Variants in RNF13 observed in about 807,000 individuals in gnomAD.
The protein encoded by RNF13 is ring finger protein 13, also known as E3 ubiquitin-protein ligase RNF13.
RNF13 carries 19 observed loss-of-function variants against 37.7 expected under a neutral mutation model. That is an observed-to-expected ratio of 0.50 (90% CI 0.35 to 0.74). RNF13 has a LOEUF of 0.74. Among genes scored for constraint, RNF13 ranks in the 30% least tolerant of loss-of-function variants. The probability of loss-of-function intolerance (pLI) is 0.01; values close to 1 mark genes in which losing one functional copy is unlikely to be tolerated. For synonymous variants in RNF13, 144 were observed against 157.8 expected (o/e 0.91, Z 0.65); for missense variants, 375 against 453.0 (o/e 0.83, Z 1.56).
intron 8 of RNF13, among the ~76,000 whole-genome samples, chr3:149,931,713 C>T (rs568334665): frequency 1.8e-4 from 27 of 152,162 alleles, no homozygotes; most frequent in Non-Finnish European, 3.8e-4. Context: ...TAATTCAAAG[C>T]TTCTCATCTA....
intron 4 of RNF13, among the ~76,000 whole-genome samples, chr3:149,890,171 A>G (rs1714547689): frequency 6.6e-6 from 1 of 152,224 alleles, no homozygotes; most frequent in African/African-American, 2.4e-5. Context: ...TATAAGAGAT[A>G]GTATTCTTTC....
chr3:149,944,659 GTTTT>G (rs1220197711), intron 8 of RNF13, among the ~76,000 whole-genome samples: 1 of 151,842 alleles, frequency 6.6e-6, no homozygotes, highest in South Asian at 2.1e-4. Flanking sequence ...GGGGTTGTTT[GTTTT>G]TTTTCTTGTA....
chr3:149,888,444 C>A (rs909684875), intron 4 of RNF13, among the ~76,000 whole-genome samples: 5 of 152,204 alleles, frequency 3.3e-5, no homozygotes, highest in Non-Finnish European at 5.9e-5. Flanking sequence ...AAACACTGGG[C>A]ATTTGCAGGA....
rs145874396 is a variant in RNF13 at position 149,843,933 on chromosome 3, G to A, written c.-16-2078G>A. Among the ~76,000 whole-genome samples the A allele has an allele frequency of 1.5e-4, 23 of 152,326 alleles. No homozygotes were observed. In the South Asian group the frequency reaches 2.7e-3, roughly 18 times the overall value. On this transcript the variant is annotated intron_variant, in intron 1 of 9. Coordinates refer to ENST00000392894, the MANE Select transcript of RNF13 (RefSeq NM_183381.3). ...ATGCCTGGCACTTAGTAAGAGATCA[G>A]TATTAGTTGTTTTGGTTATTATTCC...
At chr3:149,903,805 T>C (rs1716094848) in intron 6 of RNF13, among the ~76,000 whole-genome samples, 1 of 152,200 alleles carries the variant, frequency 6.6e-6, no homozygotes, top group African/African-American at 2.4e-5. Context: ...TCATGTCAGT[T>C]CACTTCAAGT....
chr3:149,938,432 A>G (rs891215887), intron 8 of RNF13, among the ~76,000 whole-genome samples: 2 of 151,544 alleles, frequency 1.3e-5, no homozygotes, highest in African/African-American at 4.8e-5. Context: ...CACCAGCTCC[A>G]AAAGTCCTGG....
At chr3:149,815,832 T>A (rs1194884299) in intron 1 of RNF13, among the ~76,000 whole-genome samples, 2 of 152,194 alleles carry the variant, frequency 1.3e-5, no homozygotes, top group Non-Finnish European at 2.9e-5. Flanking sequence ...ATGAGCCAAA[T>A]ACAATTCTAA....
intron 3 of RNF13, among the ~76,000 whole-genome samples, chr3:149,870,293 G>A (rs984614263): frequency 4.6e-5 from 7 of 151,372 alleles, no homozygotes; most frequent in East Asian, 1.9e-4. Context: ...GTTGGTGCTC[G>A]GCAAAATGGG....
Position 149,961,282 on chromosome 3 carries a change from C to T in RNF13, c.*178C>T. 1 of 679,160 alleles carries T rather than the reference C, an allele frequency of 1.5e-6. No homozygotes were observed. 42.1% of individuals were successfully genotyped at this position (679,160 alleles called of 1,614,324 possible). A position where few individuals can be genotyped will look rare whatever the true frequency, so the allele number is the denominator to read the frequency against. ...GTATTTATCTGCCAAGAATATACTT[C>T]ATTCACTAATAATAGACTGGTGCTG... is the stretch of plus-strand genomic sequence containing the variant. On this transcript the variant is annotated 3_prime_UTR_variant, in exon 10 of 10. Transcript: ENST00000392894.
chr3:149,936,749 G>T (rs184732222), intron 8 of RNF13, among the ~76,000 whole-genome samples: 4 of 152,116 alleles, frequency 2.6e-5, no homozygotes, highest in African/African-American at 7.2e-5. Flanking sequence ...AATTTGGGAA[G>T]GTCGTGGTTC....
chr3:149,897,379 T>G (rs1715375804), intron 5 of RNF13, among the ~76,000 whole-genome samples: 1 of 152,224 alleles, frequency 6.6e-6, no homozygotes. Flanking sequence ...TTTGACATGT[T>G]TTCAGTAAAA....
At chr3:149,903,804 T>G (rs1028399386) in intron 6 of RNF13, among the ~76,000 whole-genome samples, 1 of 152,202 alleles carries the variant, frequency 6.6e-6, no homozygotes, top group Non-Finnish European at 1.5e-5. Context: ...TTCATGTCAG[T>G]TCACTTCAAG....
At chr3:149,907,052 A>G (rs16862294) in intron 6 of RNF13, among the ~76,000 whole-genome samples, 8,109 of 152,242 alleles carry the variant, frequency 0.053, 334 homozygotes, top group East Asian at 0.2. Context: ...ATTGTTTGCT[A>G]TCATAAGTGG....
At chr3:149,903,544 C>T (rs887061089) in intron 6 of RNF13, among the ~76,000 whole-genome samples, 5 of 152,022 alleles carry the variant, frequency 3.3e-5, no homozygotes, top group Non-Finnish European at 7.4e-5. Context: ...AATTAGTGAT[C>T]ACATGCTCAT....
chr3:149,897,327 T>A (rs1000909687), intron 5 of RNF13, among the ~76,000 whole-genome samples: 19 of 152,350 alleles, frequency 1.2e-4, no homozygotes, highest in Admixed American at 1.2e-3. Flanking sequence ...GAATATGTTT[T>A]GGATTGAACA....
intron 8 of RNF13, among the ~76,000 whole-genome samples, chr3:149,925,302 A>G (rs1718528366): frequency 6.6e-6 from 1 of 152,166 alleles, no homozygotes; most frequent in Non-Finnish European, 1.5e-5. Flanking sequence ...ATATTTCTAG[A>G]ATCATCCAGT....
intron 7 of RNF13, 81 bp downstream of exon 7, chr3:149,912,164 A>G (rs1717064202): frequency 1.4e-6 from 1 of 697,140 alleles, no homozygotes; most frequent in Admixed American, 2.3e-5. Context: ...GAGAATTTAA[A>G]CAATGTGTAC....
intron 5 of RNF13, among the ~76,000 whole-genome samples, chr3:149,901,448 T>C (rs1416316700): frequency 4.6e-5 from 7 of 152,162 alleles, no homozygotes; most frequent in African/African-American, 1.7e-4. Flanking sequence ...ATTTTGGTTT[T>C]GAATATGGGT....
In RNF13 at chr3:149,855,622, G is replaced by GTA. The variant is rs570662983; in HGVS notation, c.195+3036_195+3037dup. 2.5e-3 allele frequency among the ~76,000 whole-genome samples: 375 copies of GTA among 150,908 alleles called. 2 individuals are homozygous for GTA. Among genetic ancestry groups the GTA allele is most frequent in the South Asian group, 0.01 (50 of 4,788 alleles). On this transcript the variant is annotated intron_variant, in intron 3 of 9. Coordinates refer to ENST00000392894, the MANE Select transcript of RNF13 (RefSeq NM_183381.3). ...TATATGTGTGCATATATATGTGTGT[G>GTA]TATATATATATGTATTTTTTTTCCC...
Sources: allele counts gnomAD v4.1 joint callset (sites outside exome capture counted in the v4.1 genomes callset), GRCh38; gene constraint gnomAD v4.1.1; transcripts MANE v1.5; gene names NCBI Gene and HGNC (gene_info 2026-07-23, HGNC 2026-07-21).